IQCK: variants seen among roughly 807,000 people sequenced by gnomAD.
IQCK encodes the protein IQ motif containing K.
A neutral mutation model predicts 28.1 loss-of-function variants in IQCK; 29 were observed. That is an observed-to-expected ratio of 1.03 (90% confidence interval 0.77 to 1.41). The LOEUF (loss-of-function observed/expected upper bound fraction) is 1.41, where lower values mean the gene tolerates loss of function less well. Ranked by LOEUF, IQCK falls within the 40% of genes most tolerant of loss-of-function variation. IQCK has a pLI of 0.00. For missense variants in IQCK, 359 were observed against 314.7 expected (o/e 1.14, Z -1.07); for synonymous variants, 113 against 115.1 (o/e 0.98, Z 0.12).
intron 6 of IQCK, among the ~76,000 whole-genome samples, chr16:19,772,646 A>C (rs1319202076): frequency 6.6e-6 from 1 of 152,168 alleles, no homozygotes; most frequent in African/African-American, 2.4e-5. Context: ...TGATGGACAC[A>C]TGGATTCCTT....
chr16:19,851,339 G>T (rs116077224), intron 9 of IQCK, among the ~76,000 whole-genome samples: 2 of 152,158 alleles, frequency 1.3e-5, no homozygotes, highest in Non-Finnish European at 2.9e-5. Context: ...AAGGTCTGGG[G>T]TGGGGCCCAG....
intron 7 of IQCK, among the ~76,000 whole-genome samples, chr16:19,809,937 G>A (rs2055881604): frequency 6.6e-6 from 1 of 152,170 alleles, no homozygotes; most frequent in South Asian, 2.1e-4. Context: ...CACACGTGAG[G>A]GCAGTGGTGC....
intron 9 of IQCK, among the ~76,000 whole-genome samples, chr16:19,847,490 C>T (rs192721075): frequency 6.6e-6 from 1 of 152,318 alleles, no homozygotes; most frequent in East Asian, 1.9e-4. Flanking sequence ...CACGCGGTGT[C>T]CCCTTCCCTT....
intron 4 of IQCK, among the ~76,000 whole-genome samples, chr16:19,759,037 GA>G (rs1463046790): frequency 6.6e-6 from 1 of 152,128 alleles, no homozygotes; most frequent in East Asian, 1.9e-4. Context: ...AGAAAGTAAA[GA>G]GAAATTGTCT....
intron 7 of IQCK, among the ~76,000 whole-genome samples, chr16:19,798,367 G>A (rs1272638107): frequency 8.4e-6 from 1 of 118,966 alleles, no homozygotes; most frequent in African/African-American, 7.8e-5. Flanking sequence ...TCAGTGAGCC[G>A]AGATCATGCC....
chr16:19,780,390 T>A (rs1209667424), intron 6 of IQCK, among the ~76,000 whole-genome samples: 1 of 152,062 alleles, frequency 6.6e-6, no homozygotes, highest in Non-Finnish European at 1.5e-5. Context: ...TGGCTGGTCT[T>A]GAACTTCTGA....
intron 9 of IQCK, among the ~76,000 whole-genome samples, chr16:19,840,520 G>A (rs919043550): frequency 1.3e-5 from 2 of 151,766 alleles, no homozygotes; most frequent in South Asian, 2.1e-4. Flanking sequence ...TTTCTTTTTC[G>A]ATTATCCATA....
chr16:19,753,247 CAA>C (rs562470295), intron 4 of IQCK, among the ~76,000 whole-genome samples: 11 of 122,546 alleles, frequency 9.0e-5, no homozygotes, highest in Middle Eastern at 4.2e-3. Flanking sequence ...CCTATCTCTA[CAA>C]AAAAAAAAAA....
chr16:19,737,686 T>C (rs1251567403), intron 4 of IQCK, among the ~76,000 whole-genome samples: 2 of 152,166 alleles, frequency 1.3e-5, no homozygotes, highest in African/African-American at 4.8e-5. Context: ...AGGCTCTGCC[T>C]AGTTCATGTG....
chr16:19,739,007 C>T (rs939676457), intron 4 of IQCK, among the ~76,000 whole-genome samples: 4 of 152,178 alleles, frequency 2.6e-5, no homozygotes, highest in African/African-American at 9.7e-5. Flanking sequence ...CCCCATGCTC[C>T]CTCTGCAGAC....
At chr16:19,845,798 G>A (rs2141117256) in intron 9 of IQCK, among the ~76,000 whole-genome samples, 1 of 152,222 alleles carries the variant, frequency 6.6e-6, no homozygotes, top group Non-Finnish European at 1.5e-5. Context: ...TTTATAGCCG[G>A]GCATGGTGGC....
intron 4 of IQCK, among the ~76,000 whole-genome samples, chr16:19,753,061 A>AGG (rs1375813031): frequency 6.6e-5 from 10 of 151,958 alleles, no homozygotes; most frequent in African/African-American, 2.4e-4. Flanking sequence ...GCAGAGAGAG[A>AGG]GAGAGAGAGA....
chr16:19,847,250 T>C (rs1327898667), intron 9 of IQCK, among the ~76,000 whole-genome samples: 1 of 152,210 alleles, frequency 6.6e-6, no homozygotes, highest in South Asian at 2.1e-4. Context: ...CTCTTGGGTG[T>C]GTAAGACTCT....
intron 6 of IQCK, among the ~76,000 whole-genome samples, chr16:19,766,991 ATCCAGGAGGCAGAGG>A (rs1006361446): frequency 6.6e-6 from 1 of 152,178 alleles, no homozygotes; most frequent in Non-Finnish European, 1.5e-5. Context: ...AACTGCTTGA[ATCCAGGAGGCAGAGG>A]TTGCAGTGAG....
At chr16:19,854,594 T>C (rs1174912760) in intron 9 of IQCK, among the ~76,000 whole-genome samples, 1 of 152,254 alleles carries the variant, frequency 6.6e-6, no homozygotes, top group African/African-American at 2.4e-5. Flanking sequence ...TCTGAAGTTA[T>C]GCCTGATGCT....
intron 2 of IQCK, among the ~76,000 whole-genome samples, chr16:19,731,585 T>C (rs1025419796): frequency 6.6e-6 from 1 of 152,238 alleles, no homozygotes; most frequent in Non-Finnish European, 1.5e-5. Flanking sequence ...TCTGACAATA[T>C]ATGTTGATCT....
chr16:19,763,593 C>T (rs943693920), intron 4 of IQCK, among the ~76,000 whole-genome samples: 2 of 152,158 alleles, frequency 1.3e-5, no homozygotes, highest in Non-Finnish European at 2.9e-5. Context: ...CAGGTGCCCA[C>T]CACCACGCCT....
chr16:19,828,834 C>T (rs187414868), downstream of IQCK, among the ~76,000 whole-genome samples: 839 of 144,868 alleles, frequency 5.8e-3, 9 homozygotes, highest in African/African-American at 0.02. Flanking sequence ...CTAGGCAACA[C>T]AGCCAGACAC....
intron 7 of IQCK, among the ~76,000 whole-genome samples, chr16:19,810,385 T>C (rs1597579121): frequency 6.6e-6 from 1 of 151,572 alleles, no homozygotes; most frequent in Non-Finnish European, 1.5e-5. Flanking sequence ...TAGTCCCAGC[T>C]ACTCAGGAGG....
Sources: allele counts gnomAD v4.1 joint callset (sites outside exome capture counted in the v4.1 genomes callset), GRCh38; gene constraint gnomAD v4.1.1; transcripts MANE v1.5; gene names NCBI Gene and HGNC (gene_info 2026-07-23, HGNC 2026-07-21).